The following CRYBG1 variants were observed in gnomAD, a reference collection of about 807,000 sequenced individuals.
The protein encoded by CRYBG1 is beta/gamma crystallin domain-containing protein 1.
In CRYBG1, 139 loss-of-function variants were observed where a neutral mutation model predicts 189.2. The observed-to-expected ratio is 0.73, with a 90% CI of 0.64 to 0.85. CRYBG1 has a LOEUF of 0.85. CRYBG1 is among the 40% of genes least tolerant of loss of function. The pLI, the probability that CRYBG1 is intolerant of heterozygous loss-of-function variation, is 0.00. For missense variants in CRYBG1, 2,611 were observed against 2,675.8 expected, an observed-to-expected ratio of 0.98 and a Z score of 0.53; for synonymous variants, 1,023 against 1,017.1, an observed-to-expected ratio of 1.01 and a Z score of -0.11.
At chr6:106,544,540 A>G (rs1270903706) in intron 11 of CRYBG1, 31 bp from the exon 12 acceptor site, 6 of 1,604,706 alleles carry the variant, frequency 3.7e-6, no homozygotes, top group Non-Finnish European at 5.1e-6. Context: ...ATGTCTGGAA[A>G]TGACTACTCC....
intron 1 of CRYBG1, among the ~76,000 whole-genome samples, chr6:106,361,412 T>G (rs1771866910): frequency 6.6e-6 from 1 of 152,232 alleles, no homozygotes; most frequent in Non-Finnish European, 1.5e-5. Flanking sequence ...GTTACCGTCC[T>G]AAATGATGGC....
At chr6:106,468,440 C>T (rs2114463006) in intron 2 of CRYBG1, among the ~76,000 whole-genome samples, 1 of 152,318 alleles carries the variant, frequency 6.6e-6, no homozygotes, top group East Asian at 1.9e-4. Context: ...ATGAATTAAA[C>T]ACTATAAATC....
chr6:106,361,155 C>T, intron 1 of CRYBG1, 74 bp downstream of exon 1: 1 of 1,444,494 alleles, frequency 6.9e-7, no homozygotes, highest in South Asian at 1.4e-5. Flanking sequence ...AGCCCTTGGA[C>T]TCCTGACCCC....
intron 1 of CRYBG1, among the ~76,000 whole-genome samples, chr6:106,369,744 A>C (rs1769977661): frequency 6.6e-6 from 1 of 152,240 alleles, no homozygotes; most frequent in South Asian, 2.1e-4. Flanking sequence ...AGTTTATTCA[A>C]TATGCACTAT....
chr6:106,533,404 A>G (rs1397791591), intron 8 of CRYBG1, among the ~76,000 whole-genome samples: 2 of 152,148 alleles, frequency 1.3e-5, no homozygotes, highest in Non-Finnish European at 2.9e-5. Context: ...ATTTAGATTT[A>G]CTCTACGTGG....
intron 1 of CRYBG1, among the ~76,000 whole-genome samples, chr6:106,426,024 A>T (rs1032824008): frequency 6.6e-6 from 1 of 151,874 alleles, no homozygotes; most frequent in Non-Finnish European, 1.5e-5. Context: ...TACATCTTTT[A>T]TTCTCCCATC....
intron 2 of CRYBG1, among the ~76,000 whole-genome samples, chr6:106,486,047 T>G (rs913889607): frequency 2.0e-5 from 3 of 152,182 alleles, no homozygotes; most frequent in African/African-American, 7.2e-5. Context: ...GGTACATGGT[T>G]AGGTTATTTA....
chr6:106,521,071 C>A lies in CRYBG1; in HGVS notation c.3863C>A (p.Thr1288Asn), dbSNP rs1295029815. ...CAGTCTTCAGTGTCACAGCCCACGA[C>A]TGAGGGTGCCCCGCCCTGTGGTTTG... ...LSQSSVSQPTTEGAPPCGLNK... is the reference protein window; with the variant it reads ...LSQSSVSQPTNEGAPPCGLNK... The change falls in exon 4 of 22, where the codon ACT becomes AAT. Residue 1288 changes from threonine to asparagine, a missense_variant. Around this residue, in one of 3 missense-constraint regions of CRYBG1, gnomAD observed 1,622 missense variants for 1,735.0 expected, o/e 0.93. Transcript: ENST00000633556. 2 of 1,614,184 alleles carry A rather than the reference C, an allele frequency of 1.2e-6. No individual in the cohort carries two copies. Among genetic ancestry groups the A allele is most frequent in the African/African-American group, 2.7e-5 (2 of 75,040 alleles).
At chr6:106,566,100 T>A (rs1323745655) in intron 21 of CRYBG1, among the ~76,000 whole-genome samples, 1 of 151,104 alleles carries the variant, frequency 6.6e-6, no homozygotes, top group Non-Finnish European at 1.5e-5. Flanking sequence ...TCTTATTCTT[T>A]CAACATGTAT....
At position 106,520,946 on chromosome 6, in the gene CRYBG1, G is replaced by C. The variant is rs1008237006; in HGVS notation, c.3738G>C (p.Leu1246Phe). Residue 1246 changes from leucine to phenylalanine, a missense_variant, in exon 4 of 22, where the codon TTG (leucine) becomes TTC (phenylalanine). By Grantham distance (22) the Leu-to-Phe change is conservative. Coordinates refer to ENST00000633556, the MANE Select transcript of CRYBG1 (RefSeq NM_001371242.2). Reference sequence around the variant, plus strand: ...AAAAAAGTGCACTTTTCTCAAGCTTGTTATCTTCTTTACCACAAGACAAAA... The same window carrying C: ...AAAAAAGTGCACTTTTCTCAAGCTTCTTATCTTCTTTACCACAAGACAAAA... The part of the protein sequence containing the change: ...RLEKSALFSS[L>F]LSSLPQDKIF... The C allele has an allele frequency of 3.1e-6, 5 of 1,614,146 alleles. No homozygotes were observed. Among genetic ancestry groups the C allele is most frequent in the Non-Finnish European group, 4.2e-6 (5 of 1,180,004 alleles).
intron 2 of CRYBG1, among the ~76,000 whole-genome samples, chr6:106,507,075 C>G (rs74867512): frequency 0.013 from 1,960 of 152,250 alleles, 44 homozygotes; most frequent in African/African-American, 0.045. Flanking sequence ...GTAGGCGCTG[C>G]CACACCACGA....
intron 2 of CRYBG1, among the ~76,000 whole-genome samples, chr6:106,468,717 G>T (rs960536836): frequency 1.3e-5 from 2 of 152,066 alleles, no homozygotes; most frequent in Non-Finnish European, 2.9e-5. Context: ...TTTAAAAGTG[G>T]CATATTTTTA....
Position 106,371,232 on chromosome 6 carries a change from T to C in CRYBG1, c.173+10151T>C, listed in dbSNP as rs945730046. On this transcript the variant is annotated intron_variant, in intron 1 of 21. Transcript: ENST00000633556. The stretch of plus-strand genomic sequence containing the variant: ...TAAATGTTTTCATAATACTGATGGA[T>C]TCATAAATATCTCATGAAAGCACAG... Among the ~76,000 whole-genome samples, 26 of 152,240 alleles carry C rather than the reference T, an allele frequency of 1.7e-4. 1 individual carries two copies. Among genetic ancestry groups the C allele is most frequent in the African/African-American group, 6.3e-4 (26 of 41,454 alleles).
rs533455882 is a variant in CRYBG1, at chr6:106,481,005, G to T, written c.312+29173G>T. Among the ~76,000 whole-genome samples the T allele has an allele frequency of 5.6e-3, 300 of 53,144 alleles. 29 individuals are homozygous for T. Among genetic ancestry groups the T allele is most frequent in the Admixed American group, 0.034 (82 of 2,446 alleles). 34.9% of individuals were successfully genotyped at this position (53,144 alleles called of 152,430 possible). On this transcript the variant is annotated intron_variant, in intron 2 of 21. Coordinates refer to ENST00000633556, the MANE Select transcript of CRYBG1 (RefSeq NM_001371242.2). Reference sequence around the variant, plus strand: ...TTTTTTTTTTTTTAGACGGAGTCTCGCTCTGTCGCCCAGGCTGGAGTGCAG... The same window carrying T: ...TTTTTTTTTTTTTAGACGGAGTCTCTCTCTGTCGCCCAGGCTGGAGTGCAG...
intron 2 of CRYBG1, among the ~76,000 whole-genome samples, chr6:106,467,416 G>A (rs1772136586): frequency 6.6e-6 from 1 of 152,064 alleles, no homozygotes; most frequent in South Asian, 2.1e-4. Context: ...AGGCTGCAGT[G>A]AGCCCTGATC....
intron 1 of CRYBG1, among the ~76,000 whole-genome samples, chr6:106,422,314 G>A (rs1018385120): frequency 3.2e-5 from 3 of 92,934 alleles, no homozygotes; most frequent in Non-Finnish European, 6.3e-5. Context: ...AATCCCAATA[G>A]GGTTTTGTTA....
intron 1 of CRYBG1, among the ~76,000 whole-genome samples, chr6:106,371,745 G>A (rs978387291): frequency 1.2e-4 from 18 of 152,244 alleles, no homozygotes; most frequent in Non-Finnish European, 2.1e-4. Context: ...TAAAAGCAAA[G>A]TAGGACTGAA....
intron 1 of CRYBG1, among the ~76,000 whole-genome samples, chr6:106,439,511 C>T (rs1407134147): frequency 6.6e-6 from 1 of 152,152 alleles, no homozygotes; most frequent in African/African-American, 2.4e-5. Context: ...TTTCTACCTT[C>T]GTCTTGACTG....
At chr6:106,410,853 T>C (rs938302349) in intron 1 of CRYBG1, among the ~76,000 whole-genome samples, 1 of 151,938 alleles carries the variant, frequency 6.6e-6, no homozygotes, top group Non-Finnish European at 1.5e-5. Flanking sequence ...CACTGGGGAC[T>C]GTTGTGGGGT....
Sources: allele counts gnomAD v4.1 joint callset (sites outside exome capture counted in the v4.1 genomes callset), GRCh38; gene constraint gnomAD v4.1.1; regional missense constraint gnomAD v4.1.1; transcripts MANE v1.5; gene names NCBI Gene and HGNC (gene_info 2026-07-23, HGNC 2026-07-21).